The following SNX25 variants were observed in gnomAD, a reference collection of about 807,000 sequenced individuals.
The protein encoded by SNX25 is sorting nexin-25.
In SNX25, 62 loss-of-function variants were observed where a neutral mutation model predicts 113.7. The ratio of observed to expected loss-of-function variants is 0.55; its 90% confidence interval spans 0.44 to 0.67. The LOEUF is 0.67. SNX25 is among the 30% of genes least tolerant of loss of function. SNX25 has a pLI of 0.00. For missense variants in SNX25, 1,014 were observed against 1,161.0 expected (o/e 0.87, Z 1.84); for synonymous variants, 421 against 436.2 (o/e 0.97, Z 0.43).
chr4:185,242,735 C>T (rs536104089), intron 1 of SNX25, among the ~76,000 whole-genome samples: 1 of 152,234 alleles, frequency 6.6e-6, no homozygotes, highest in Non-Finnish European at 1.5e-5. Flanking sequence ...GGTCCTAAGA[C>T]CCACAGTCAG....
intron 1 of SNX25, among the ~76,000 whole-genome samples, chr4:185,237,919 C>A (rs143137085): frequency 1.3e-5 from 2 of 151,466 alleles, no homozygotes; most frequent in Non-Finnish European, 2.9e-5. Context: ...AAAAATTAGC[C>A]GGGCGTGGTG....
At chr4:185,348,782 A>T (rs1024626616) in intron 13 of SNX25, among the ~76,000 whole-genome samples, 7 of 152,168 alleles carry the variant, frequency 4.6e-5, no homozygotes, top group African/African-American at 1.7e-4. Flanking sequence ...TGTTAGCCAT[A>T]GTCACCCTAC....
At position 185,310,813 on chromosome 4, in the gene SNX25, G is replaced by T. The variant is rs1301494110; in HGVS notation, c.1341G>T (p.Gln447His). The stretch of plus-strand genomic sequence containing the variant: ...ATGAGGGGGAAGGGCCTCAAAGCCA[G>T]AAGGTAGAACTTTATAGTTTCTTGT... The part of the protein sequence containing the change: ...ALDEGEGPQS[Q>H]KILQFEDILA... The change falls in exon 7 of 19, where the codon CAG becomes CAT. Residue 447 changes from glutamine to histidine, a missense_variant. Coordinates refer to ENST00000652585, the MANE Select transcript of SNX25 (RefSeq NM_001378034.2). 6.2e-7 allele frequency: 1 copy of T among 1,609,784 alleles called. No homozygotes were observed. Among genetic ancestry groups the T allele is most frequent in the Non-Finnish European group, 8.5e-7 (1 of 1,178,494 alleles).
intron 1 of SNX25, among the ~76,000 whole-genome samples, chr4:185,240,205 T>A (rs549828255): frequency 3.7e-4 from 56 of 152,222 alleles, no homozygotes; most frequent in Middle Eastern, 3.4e-3. Flanking sequence ...TTTCTCAGTC[T>A]TTTCCCCACC....
At chr4:185,377,443 A>C in the SNX25 span, 2 of 164,370 alleles carry the variant, frequency 1.2e-5, no homozygotes, top group African/African-American at 4.8e-5. Context: ...GCTTGACCCC[A>C]GGAGGCGGAG....
rs765012962 is a variant in SNX25 at position 185,232,334 on chromosome 4, C to G, written c.430-14960C>G. Among the ~76,000 whole-genome samples the G allele has an allele frequency of 6.6e-6, 1 of 152,106 alleles. No individual in the cohort carries two copies. The highest frequency in any genetic ancestry group is 1.5e-5 in the Non-Finnish European group (1 of 68,022). ...CCGGACATCGCCTAAGTTTTATTATCCCCCTTATAAGGTTATACCCCATCC... is the reference window on the plus strand; with the variant it reads ...CCGGACATCGCCTAAGTTTTATTATGCCCCTTATAAGGTTATACCCCATCC... On this transcript the variant is annotated intron_variant, in intron 1 of 18. Coordinates refer to ENST00000652585, the MANE Select transcript of SNX25 (RefSeq NM_001378034.2). This position sits in a 1 kb window ranked among gnomAD's most constrained non-coding sequence, Gnocchi z 4.4.
At chr4:185,209,261 G>A (rs1737355697), upstream of SNX25, 1 of 152,286 alleles carries the variant, frequency 6.6e-6, no homozygotes, top group Non-Finnish European at 1.5e-5. This position sits in a 1 kb window ranked among gnomAD's most constrained non-coding sequence, Gnocchi z 5.2. Context: ...ATGTTTGCCG[G>A]CTGTAAGCAA....
At chr4:185,211,115 C>T (rs899680440) in intron 1 of SNX25, among the ~76,000 whole-genome samples, 3 of 152,146 alleles carry the variant, frequency 2.0e-5, no homozygotes, top group Non-Finnish European at 2.9e-5. Context: ...ATGGCAGTGG[C>T]TCAACTTCAT....
At chr4:185,337,310 C>T (rs1226068018) in intron 10 of SNX25, among the ~76,000 whole-genome samples, 1 of 152,198 alleles carries the variant, frequency 6.6e-6, no homozygotes, top group Non-Finnish European at 1.5e-5. Context: ...TTTAACTACT[C>T]CAAGTACCTG....
At chr4:185,315,458 T>C (rs1206564578) in intron 7 of SNX25, among the ~76,000 whole-genome samples, 1 of 151,860 alleles carries the variant, frequency 6.6e-6, no homozygotes, top group Non-Finnish European at 1.5e-5. Flanking sequence ...CACGCCCAGC[T>C]AATGTTTGTA....
At chr4:185,242,832 A>G (rs1171620481) in intron 1 of SNX25, among the ~76,000 whole-genome samples, 1 of 152,216 alleles carries the variant, frequency 6.6e-6, no homozygotes, top group Non-Finnish European at 1.5e-5. Flanking sequence ...CATTATAACA[A>G]AAGACTGTAA....
At chr4:185,225,897 T>TA (rs1450601771) in intron 1 of SNX25, among the ~76,000 whole-genome samples, 1 of 152,216 alleles carries the variant, frequency 6.6e-6, no homozygotes, top group African/African-American at 2.4e-5. Flanking sequence ...TCTACACACT[T>TA]AAACACTTTA....
intron 6 of SNX25, among the ~76,000 whole-genome samples, chr4:185,294,308 G>T (rs1470673385): frequency 1.3e-5 from 2 of 152,194 alleles, no homozygotes; most frequent in Non-Finnish European, 2.9e-5. Context: ...CCCTAGCACA[G>T]GGACTTGGGG....
the SNX25 span, chr4:185,378,495 T>C: frequency 8.9e-7 from 1 of 1,118,740 alleles, no homozygotes; most frequent in South Asian, 3.1e-5. Flanking sequence ...TCAAGATGGG[T>C]CAAGTCACCC....
At chr4:185,371,540 TAAAAAAAAAA>T (rs11288148), downstream of SNX25, among the ~76,000 whole-genome samples, 9 of 78,300 alleles carry the variant, frequency 1.1e-4, no homozygotes, top group African/African-American at 1.9e-4. Context: ...AGACTCCGTC[TAAAAAAAAAA>T]AAAAAAAAAA....
intron 12 of SNX25, among the ~76,000 whole-genome samples, chr4:185,343,103 C>T (rs1200515310): frequency 6.6e-6 from 1 of 152,138 alleles, no homozygotes; most frequent in Non-Finnish European, 1.5e-5. Flanking sequence ...GTTGGCCAGG[C>T]TGGTCTCGAA....
intron 1 of SNX25, among the ~76,000 whole-genome samples, chr4:185,233,074 A>T (rs1340745894): frequency 6.6e-6 from 1 of 152,080 alleles, no homozygotes; most frequent in Non-Finnish European, 1.5e-5. Context: ...ACCTGAGGTC[A>T]GGAGTTCGAG....
At chr4:185,260,187 C>A (rs997844843) in intron 3 of SNX25, among the ~76,000 whole-genome samples, 22 of 132,934 alleles carry the variant, frequency 1.7e-4, no homozygotes, top group African/African-American at 4.2e-4. Context: ...TATTTTCTTA[C>A]TTAAAAGAAA....
chr4:185,331,799 AC>A (rs991242883), intron 9 of SNX25, among the ~76,000 whole-genome samples: 1 of 152,156 alleles, frequency 6.6e-6, no homozygotes, highest in Admixed American at 6.5e-5. Flanking sequence ...AAACAAAAAA[AC>A]CCATGACAAC....
Sources: gnomAD v4.1 joint callset for allele counts (sites outside exome capture counted in the v4.1 genomes callset) on GRCh38, gnomAD v4.1.1 for gene constraint, Gnocchi (gnomAD v3.1) non-coding constraint, MANE v1.5 for transcripts, NCBI Gene and HGNC (gene_info 2026-07-23, HGNC 2026-07-21) for gene names.